The following TCTN2 variants were observed in gnomAD, a reference collection of about 807,000 sequenced individuals.
The protein encoded by TCTN2 is tectonic-2.
A neutral mutation model predicts 83.4 loss-of-function variants in TCTN2; 66 were observed. The observed-to-expected ratio is 0.79, with a 90% CI of 0.65 to 0.97. The LOEUF (loss-of-function observed/expected upper bound fraction) is 0.97. Among genes scored for constraint, TCTN2 ranks in the 50% least tolerant of loss-of-function variants. The pLI is 0.00. For missense variants in TCTN2, 794 were observed against 858.1 expected (o/e 0.93, Z 0.93); for synonymous variants, 301 against 326.7 (o/e 0.92, Z 0.85).
chr12:123,671,171 C>T lies in TCTN2; in HGVS notation c.-70C>T, dbSNP rs1356475618. On this transcript the variant is annotated 5_prime_UTR_variant, in exon 1 of 18. Transcript: ENST00000303372. ...GGCGGGGCAGTGGCTGCTGCGTTTTCGTGTCTGAGTCCTTCCTGGGTTCTA... is the reference window on the plus strand; with the variant it reads ...GGCGGGGCAGTGGCTGCTGCGTTTTTGTGTCTGAGTCCTTCCTGGGTTCTA... 8.3e-6 allele frequency: 12 copies of T among 1,453,060 alleles called. No homozygotes were observed. The highest frequency in any genetic ancestry group is 9.4e-6 in the Non-Finnish European group (10 of 1,060,474). 90.0% of individuals were successfully genotyped at this position (1,453,060 alleles called of 1,614,324 possible).
Position 123,679,248 on chromosome 12 carries a change from T to TTG in TCTN2, c.524_525insGT (p.Thr176Ter). ...GCCCCTTGGCCCTTGTCCTTGTAAT[T>TTG]TAACAGCTGGAGCCTGTGATGTTCG... On this transcript the variant is annotated frameshift_variant, in exon 5 of 18. Transcript: ENST00000303372. LOFTEE classifies it high-confidence loss of function. 1 of 1,614,094 alleles carries TTG rather than the reference T, an allele frequency of 6.2e-7. No individual in the cohort carries two copies. The highest frequency in any genetic ancestry group is 8.5e-7 in the Non-Finnish European group (1 of 1,179,954).
chr12:123,692,520 G>A (rs1012387073), intron 8 of TCTN2, 138 bp from the exon 9 acceptor site: 21 of 712,242 alleles, frequency 2.9e-5, no homozygotes, highest in African/African-American at 2.8e-4. Context: ...TGGTTTTTGG[G>A]GAGTGGGGAG....
At chr12:123,682,407 G>A (rs79884091) in intron 5 of TCTN2, among the ~76,000 whole-genome samples, 2,306 of 152,154 alleles carry the variant, frequency 0.015, 47 homozygotes, top group African/African-American at 0.053. Flanking sequence ...AAATTGGGCT[G>A]TCTTTTTGCT....
chr12:123,688,324 TC>T (rs1956001669), intron 7 of TCTN2, 147 bp downstream of exon 7: 1 of 1,103,670 alleles, frequency 9.1e-7, no homozygotes, highest in Non-Finnish European at 1.3e-6. Flanking sequence ...CAAGTGATTC[TC>T]CTGCCTCAGC....
rs747382089 is a variant in TCTN2 at position 123,686,913 on chromosome 12, T to C, written c.642T>C (p.Pro214=). 2.0e-5 allele frequency: 33 copies of C among 1,614,128 alleles called. No homozygotes were observed. The Admixed American group carries it at 4.7e-4, about 23-fold the overall frequency. Residue 214 remains proline, a synonymous_variant, in exon 6 of 18, where the codon CCT becomes CCC. Coordinates refer to ENST00000303372, the MANE Select transcript of TCTN2 (RefSeq NM_024809.5). ...TGVFGGDVNP[P]FDQLCSAGTT... ...TGTTTGGAGGAGACGTCAATCCTCC[T>C]TTTGATCAGCTCTGCTCTGCTGGGA...
chr12:123,691,437 G>T (rs1231180079), intron 8 of TCTN2, among the ~76,000 whole-genome samples: 1 of 152,156 alleles, frequency 6.6e-6, no homozygotes, highest in Non-Finnish European at 1.5e-5. Flanking sequence ...CACTGAGCAT[G>T]GTGTTCCATG....
intron 12 of TCTN2, 21 bp from the exon 13 acceptor site, chr12:123,697,066 G>A: frequency 6.3e-7 from 1 of 1,576,906 alleles, no homozygotes; most frequent in Middle Eastern, 1.7e-4. Flanking sequence ...GTAGCAAGAG[G>A]ATAATCTTTT....
At chr12:123,671,750 C>T (rs1955755984) in intron 2 of TCTN2, 136 bp downstream of exon 2, 6 of 762,290 alleles carry the variant, frequency 7.9e-6, no homozygotes, top group South Asian at 4.9e-5. Context: ...AAGGATCGGG[C>T]GGCTGCTGTA....
Position 123,704,650 on chromosome 12 carries a change from A to C in TCTN2, c.1731A>C (p.Glu577Asp). Residue 577 changes from glutamate (E) to aspartate (D), a missense_variant, in exon 15 of 18, where the codon GAA becomes GAC. Glu to Asp is a conservative substitution (Grantham distance 45). Coordinates refer to ENST00000303372, the MANE Select transcript of TCTN2 (RefSeq NM_024809.5). ...RILISDAGAVEGITQQEILGV... is the reference protein window; with the variant it reads ...RILISDAGAVDGITQQEILGV... ...TCATCTCGGATGCTGGCGCGGTGGA[A>C]GGGATTACTCAGCAGGAGATACTCG... 5 of 1,613,296 alleles carry C rather than the reference A, an allele frequency of 3.1e-6. No individual in the cohort carries two copies. Among genetic ancestry groups the C allele is most frequent in the Non-Finnish European group, 3.4e-6 (4 of 1,179,894 alleles).
intron 13 of TCTN2, among the ~76,000 whole-genome samples, chr12:123,697,865 T>C (rs1956128810): frequency 7.2e-6 from 1 of 139,128 alleles, no homozygotes; most frequent in African/African-American, 2.9e-5. Context: ...ATTAACTTTT[T>C]TTTTTTTTTT....
Position 123,692,659 on chromosome 12 carries a change from C to G in TCTN2, c.1035C>G (p.Gly345=), listed in dbSNP as rs1219235120. 6.2e-7 allele frequency: 1 copy of G among 1,611,382 alleles called. No homozygotes were observed. The highest frequency in any genetic ancestry group is 8.5e-7 in the Non-Finnish European group (1 of 1,177,548). ...AGTTAATTTATGTTATCTCTTTAGG[C>G]ATAGTTACACCAAAAGTGATCTATG... The part of the protein sequence containing the change: ...NAKIKNVALG[G]IVTPKVIYEE... The change falls in exon 9 of 18, where the codon GGC becomes GGG. Residue 345 remains glycine, a splice_region_variant and synonymous_variant. Transcript: ENST00000303372.
chr12:123,684,796 A>G (rs1955943841), intron 5 of TCTN2, among the ~76,000 whole-genome samples: 2 of 152,096 alleles, frequency 1.3e-5, no homozygotes, highest in African/African-American at 4.8e-5. Context: ...TCACCACTGT[A>G]ATCCCAGCAC....
chr12:123,700,502 G>A (rs1417456487), intron 14 of TCTN2, among the ~76,000 whole-genome samples: 4 of 152,064 alleles, frequency 2.6e-5, no homozygotes, highest in African/African-American at 9.7e-5. Flanking sequence ...GCACAATCTC[G>A]GCTCACTGCA....
intron 7 of TCTN2, 129 bp downstream of exon 7, chr12:123,688,306 C>T (rs1956001301): frequency 8.0e-7 from 1 of 1,253,230 alleles, no homozygotes; most frequent in Non-Finnish European, 1.1e-6. Flanking sequence ...ACCTCTGCCT[C>T]CCGGGTTCAA....
chr12:123,677,291 G>A (rs370837075), intron 4 of TCTN2, among the ~76,000 whole-genome samples: 8 of 152,144 alleles, frequency 5.3e-5, no homozygotes, highest in African/African-American at 1.9e-4. Context: ...TCCTTGTTCC[G>A]GATACCATTG....
At chr12:123,700,021 T>G in intron 14 of TCTN2, 1 of 622,546 alleles carries the variant, frequency 1.6e-6, no homozygotes, top group East Asian at 2.8e-5. Context: ...TTTCTGTTTT[T>G]GTTTTTTTGA....
At position 123,706,837 on chromosome 12, in the gene TCTN2, C is replaced by G. The variant is rs139902134; in HGVS notation, c.1881C>G (p.Pro627=). The G allele has an allele frequency of 1.9e-6, 3 of 1,613,960 alleles. No individual in the cohort carries two copies. In the African/African-American group the frequency reaches 4.0e-5, roughly 22 times the overall value. The change falls in exon 16 of 18, where the codon CCC becomes CCG. Residue 627 remains proline (P), a synonymous_variant. Transcript: ENST00000303372. ...TTATTAAAATTCCTGCACAGTTACC[C>G]CACCCCCTGACAAGGTACTCCAGTT... The part of the protein sequence containing the change: ...VQFIKIPAQL[P]HPLTRFQINY...
rs1191334020 is a variant in TCTN2 at position 123,673,224 on chromosome 12, C to T, written c.268-391C>T. Among the ~76,000 whole-genome samples the T allele has an allele frequency of 3.3e-5, 5 of 152,192 alleles. No individual in the cohort carries two copies. The South Asian group carries it at 8.3e-4, about 25-fold the overall frequency. On this transcript the variant is annotated intron_variant, in intron 3 of 17. Coordinates refer to ENST00000303372, the MANE Select transcript of TCTN2 (RefSeq NM_024809.5). The stretch of plus-strand genomic sequence containing the variant: ...GGAAAGACAAGCTCTGCTTGTACCC[C>T]AGGAGTGAACATGTACATGTCTAAA...
At chr12:123,704,163 C>T (rs1035672245) in intron 14 of TCTN2, among the ~76,000 whole-genome samples, 3 of 152,008 alleles carry the variant, frequency 2.0e-5, no homozygotes, top group Admixed American at 6.6e-5. Context: ...AGCACCACCA[C>T]GCCCAGCTAA....
Sources: gnomAD v4.1 joint callset for allele counts (sites outside exome capture counted in the v4.1 genomes callset) on GRCh38, gnomAD v4.1.1 for gene constraint, MANE v1.5 for transcripts, NCBI Gene and HGNC (gene_info 2026-07-23, HGNC 2026-07-21) for gene names.